The following TSPAN9 variants were observed in gnomAD, a reference collection of about 807,000 sequenced individuals.
The protein encoded by TSPAN9 is tetraspanin 9.
Under a neutral mutation model 31.0 loss-of-function variants are expected in TSPAN9, and 16 were observed. The observed-to-expected ratio is 0.52, with a 90% CI of 0.35 to 0.78. The LOEUF (loss-of-function observed/expected upper bound fraction) is 0.78. Ranked by LOEUF, TSPAN9 falls within the 30% of genes least tolerant of loss-of-function variation. The pLI is 0.01. For missense variants in TSPAN9, 272 were observed against 312.5 expected (o/e 0.87, Z 0.98); for synonymous variants, 145 against 121.6 (o/e 1.19, Z -1.27).
chr12:3,199,187 C>T (rs1282303633), intron 2 of TSPAN9, among the ~76,000 whole-genome samples: 3 of 152,224 alleles, frequency 2.0e-5, no homozygotes, highest in Admixed American at 2.0e-4. Context: ...ACCCACCGCC[C>T]CAGGTAGGAC....
intron 3 of TSPAN9, among the ~76,000 whole-genome samples, chr12:3,212,285 A>G (rs1170838829): frequency 6.6e-6 from 1 of 152,086 alleles, no homozygotes; most frequent in African/African-American, 2.4e-5. Flanking sequence ...TTATATTTCT[A>G]TTCATGAATA....
At chr12:3,188,297 C>T (rs914904543) in intron 2 of TSPAN9, among the ~76,000 whole-genome samples, 8 of 152,324 alleles carry the variant, frequency 5.3e-5, no homozygotes, top group Admixed American at 6.5e-5. Flanking sequence ...AGTGTCTCCC[C>T]GGGTTCCACA....
At chr12:3,227,957 G>T (rs2153975734) in intron 3 of TSPAN9, among the ~76,000 whole-genome samples, 1 of 152,262 alleles carries the variant, frequency 6.6e-6, no homozygotes, top group East Asian at 1.9e-4. Context: ...TCTCTCATTT[G>T]GTCCTTGTGG....
At chr12:3,174,791 C>T (rs898130525) in intron 2 of TSPAN9, among the ~76,000 whole-genome samples, 7 of 149,514 alleles carry the variant, frequency 4.7e-5, no homozygotes, top group Admixed American at 2.7e-4. Context: ...ACCGTGTTAG[C>T]CAGGATGGTC....
chr12:3,239,257 G>A (rs1033121522), intron 3 of TSPAN9, among the ~76,000 whole-genome samples: 2 of 152,172 alleles, frequency 1.3e-5, no homozygotes, highest in South Asian at 2.1e-4. Context: ...CTGTTGTCAC[G>A]TTCTTGCTGG....
chr12:3,235,333 C>G (rs1344733136), intron 3 of TSPAN9, among the ~76,000 whole-genome samples: 7 of 135,944 alleles, frequency 5.1e-5, no homozygotes, highest in African/African-American at 2.0e-4. Flanking sequence ...CACAGACCAA[C>G]AGCGTGCTGT....
At chr12:3,087,374 G>A (rs1399292768) in intron 2 of TSPAN9, among the ~76,000 whole-genome samples, 2 of 152,112 alleles carry the variant, frequency 1.3e-5, no homozygotes, top group Non-Finnish European at 2.9e-5. Context: ...GTCAGGTGTG[G>A]TAATCAGTGT....
chr12:3,164,530 C>G (rs1055604977), intron 2 of TSPAN9, among the ~76,000 whole-genome samples: 1 of 152,224 alleles, frequency 6.6e-6, no homozygotes, highest in Non-Finnish European at 1.5e-5. Context: ...GTTAGCTCCT[C>G]TCCCTGGCCC....
chr12:3,130,076 C>A (rs943583752), intron 2 of TSPAN9, among the ~76,000 whole-genome samples: 5 of 152,234 alleles, frequency 3.3e-5, no homozygotes, highest in African/African-American at 1.2e-4. Context: ...GGCTGTACCG[C>A]CTCTTTGGCC....
rs1308398403 is a variant in TSPAN9, at chr12:3,201,246, T to C, written c.53T>C (p.Leu18Ser). 9.9e-6 allele frequency: 16 copies of C among 1,613,944 alleles called. No individual in the cohort carries two copies. Among genetic ancestry groups the C allele is most frequent in the Non-Finnish European group, 1.4e-5 (16 of 1,179,996 alleles). ...CLKYMMFLFN[L>S]IFWLCGCGLL... The stretch of plus-strand genomic sequence containing the variant: ...AAGTACATGATGTTCCTCTTCAATT[T>C]GATATTCTGGGTAAGTCCTTCCGTT... Residue 18 changes from leucine (L) to serine (S), a missense_variant, in exon 3 of 9, where the codon TTG (leucine) becomes TCG (serine). Physicochemically the swap from Leu to Ser is moderately radical, Grantham distance 145. Coordinates refer to ENST00000011898, the MANE Select transcript of TSPAN9 (RefSeq NM_006675.5).
intron 3 of TSPAN9, among the ~76,000 whole-genome samples, chr12:3,221,333 G>A (rs973160919): frequency 6.7e-6 from 1 of 148,682 alleles, no homozygotes; most frequent in Non-Finnish European, 1.5e-5. Flanking sequence ...TTGAAGATAA[G>A]TTATTTTTTA....
At chr12:3,257,478 C>T (rs1254041876) in intron 3 of TSPAN9, among the ~76,000 whole-genome samples, 1 of 151,854 alleles carries the variant, frequency 6.6e-6, no homozygotes, top group Non-Finnish European at 1.5e-5. Context: ...ACGAGCCATC[C>T]TCTGCTTGAT....
chr12:3,202,594 G>A (rs904667513), intron 3 of TSPAN9, among the ~76,000 whole-genome samples: 1 of 152,122 alleles, frequency 6.6e-6, no homozygotes, highest in Non-Finnish European at 1.5e-5. Context: ...AGGGGCTGTC[G>A]TGATGGTCTC....
chr12:3,109,411 G>A (rs936870903), intron 2 of TSPAN9, among the ~76,000 whole-genome samples: 9 of 151,392 alleles, frequency 5.9e-5, no homozygotes, highest in African/African-American at 2.2e-4. Context: ...TTTGAGTGAG[G>A]CATTAAAAGG....
rs1355547189 is a variant in TSPAN9, at chr12:3,187,861, A to G, written c.-17-13316A>G. Among the ~76,000 whole-genome samples the G allele has an allele frequency of 6.6e-6, 1 of 152,106 alleles. No individual in the cohort carries two copies. The highest frequency in any genetic ancestry group is 2.4e-5 in the African/African-American group (1 of 41,402). ...AGGTCCTCGGGGCACTCCCAGGCTGAACCTCCAGTCCTTGCATGTACTCAG... is the reference window on the plus strand; with the variant it reads ...AGGTCCTCGGGGCACTCCCAGGCTGGACCTCCAGTCCTTGCATGTACTCAG... On this transcript the variant is annotated intron_variant, in intron 2 of 8. Transcript: ENST00000011898. The surrounding 1 kb of genome is among the most constrained non-coding windows in gnomAD (Gnocchi z 5.2).
rs770178098 is a variant in TSPAN9, at chr12:3,278,499, T to G, written c.142T>G (p.Phe48Val). ...QGNFATFSPSFPSLSAANLVI... is the reference protein window; with the variant it reads ...QGNFATFSPSVPSLSAANLVI... ...CAACTTTGCCACCTTCTCCCCCAGC[T>G]TCCCTTCGTTGTCTGCAGCCAACCT... Residue 48 changes from phenylalanine (F) to valine (V), a missense_variant, in exon 4 of 9, where the codon TTC (phenylalanine) becomes GTC (valine). Transcript: ENST00000011898. The G allele has an allele frequency of 7.4e-6, 12 of 1,614,216 alleles. No individual in the cohort carries two copies. The Admixed American group carries it at 2.0e-4, about 27-fold the overall frequency.
At chr12:3,096,720 C>T (rs1305997661) in intron 2 of TSPAN9, among the ~76,000 whole-genome samples, 3 of 150,458 alleles carry the variant, frequency 2.0e-5, no homozygotes, top group African/African-American at 4.9e-5. Flanking sequence ...TATTTTGAGA[C>T]GGAATCTCGC....
intron 2 of TSPAN9, among the ~76,000 whole-genome samples, chr12:3,197,417 G>A (rs537539610): frequency 1.9e-4 from 29 of 152,282 alleles, no homozygotes; most frequent in African/African-American, 7.0e-4. Flanking sequence ...AGACAGCATC[G>A]GTGGGACTGC....
chr12:3,090,050 A>G (rs991597968), intron 2 of TSPAN9, among the ~76,000 whole-genome samples: 2 of 152,232 alleles, frequency 1.3e-5, no homozygotes, highest in African/African-American at 4.8e-5. Flanking sequence ...AATCACTGTT[A>G]ATACTTTGGT....
Sources: gnomAD v4.1 joint callset for allele counts (sites outside exome capture counted in the v4.1 genomes callset) on GRCh38, gnomAD v4.1.1 for gene constraint, Gnocchi (gnomAD v3.1) non-coding constraint, MANE v1.5 for transcripts, NCBI Gene and HGNC (gene_info 2026-07-23, HGNC 2026-07-21) for gene names.